The following ELOVL5 variants were observed in gnomAD, a reference collection of about 807,000 sequenced individuals.
ELOVL5 encodes the protein very long chain fatty acid elongase 5.
In ELOVL5, 8 loss-of-function variants were observed where a neutral mutation model predicts 38.6. That is an observed-to-expected ratio of 0.21 (90% CI 0.12 to 0.37). The LOEUF (loss-of-function observed/expected upper bound fraction) is 0.37. Ranked by LOEUF, ELOVL5 falls within the 10% of genes least tolerant of loss-of-function variation. The pLI, the probability that ELOVL5 is intolerant of heterozygous loss-of-function variation, is 1.00. For missense variants in ELOVL5, 280 were observed against 367.8 expected (o/e 0.76, Z 1.95); for synonymous variants, 127 against 133.7 (o/e 0.95, Z 0.34).
intron 2 of ELOVL5, among the ~76,000 whole-genome samples, chr6:53,293,521 T>C (rs1219415338): frequency 6.6e-6 from 1 of 152,092 alleles, no homozygotes. Context: ...TTTCACCATA[T>C]TGGTCAGGCT....
At chr6:53,306,064 C>A (rs1220080125) in intron 1 of ELOVL5, among the ~76,000 whole-genome samples, 1 of 151,200 alleles carries the variant, frequency 6.6e-6, no homozygotes, top group East Asian at 2.0e-4. Flanking sequence ...ACCAGTCAGG[C>A]GTGGCGGCGC....
At position 53,273,346 on chromosome 6, in the gene ELOVL5, T is replaced by G; in HGVS notation, c.497-2A>C. On this transcript the variant is annotated splice_acceptor_variant, in intron 5 of 7. Transcript: ENST00000304434. LOFTEE classifies it high-confidence loss of function. ...TATTAAGTGTGGCACCAAAATAAGC[T>G]GCAGGAACAGAGGGATTTGGGAAGG... 6.2e-7 allele frequency: 1 copy of G among 1,613,002 alleles called. No homozygotes were observed.
chr6:53,347,876 GAAC>G (rs988438803), intron 1 of ELOVL5, among the ~76,000 whole-genome samples: 11 of 152,252 alleles, frequency 7.2e-5, no homozygotes, highest in Admixed American at 2.6e-4. Context: ...AGTTCAGCAA[GAAC>G]AACTCTTGCT....
chr6:53,334,837 G>A (rs1244401466), intron 1 of ELOVL5, among the ~76,000 whole-genome samples: 1 of 152,100 alleles, frequency 6.6e-6, no homozygotes, highest in African/African-American at 2.4e-5. Flanking sequence ...AAAGCAGGGT[G>A]GACTCCTCCC....
intron 1 of ELOVL5, among the ~76,000 whole-genome samples, chr6:53,303,728 T>C (rs1767362048): frequency 6.6e-6 from 1 of 152,208 alleles, no homozygotes; most frequent in Admixed American, 6.5e-5. Context: ...TGTACAAAAA[T>C]ACGTTTAGGG....
chr6:53,300,136 A>G (rs185047062), intron 1 of ELOVL5, among the ~76,000 whole-genome samples: 114 of 152,232 alleles, frequency 7.5e-4, no homozygotes, highest in African/African-American at 2.6e-3. Context: ...TATTTCCCCC[A>G]AACTCTCCCC....
At position 53,271,973 on chromosome 6, in the gene ELOVL5, A is replaced by C. The variant is rs146207074; in HGVS notation, c.622-1246T>G. Among the ~76,000 whole-genome samples the C allele has an allele frequency of 3.6e-4, 55 of 152,296 alleles. 1 individual carries two copies. In the East Asian group the frequency reaches 0.01, roughly 29 times the overall value. ...ATCAATTTCTGCATCATTTCTCCTC[A>C]AGTATAACAAGGAGGTTAATCAACA... On this transcript the variant is annotated intron_variant, in intron 6 of 7. Coordinates refer to ENST00000304434, the MANE Select transcript of ELOVL5 (RefSeq NM_021814.5).
chr6:53,346,498 T>C (rs764008984), intron 1 of ELOVL5, among the ~76,000 whole-genome samples: 1 of 152,142 alleles, frequency 6.6e-6, no homozygotes, highest in South Asian at 2.1e-4. Flanking sequence ...TATTAATAAG[T>C]ACCTGACACA....
At chr6:53,320,393 G>A (rs1768251447) in intron 1 of ELOVL5, among the ~76,000 whole-genome samples, 1 of 151,926 alleles carries the variant, frequency 6.6e-6, no homozygotes, top group Admixed American at 6.5e-5. Flanking sequence ...CTGGAGTGCA[G>A]TGGCGCGATC....
At chr6:53,318,194 T>C (rs1768137164) in intron 1 of ELOVL5, among the ~76,000 whole-genome samples, 1 of 152,212 alleles carries the variant, frequency 6.6e-6, no homozygotes, top group Non-Finnish European at 1.5e-5. Context: ...TGATGTTTCC[T>C]ATAGAAAATA....
intron 1 of ELOVL5, among the ~76,000 whole-genome samples, chr6:53,306,069 C>T (rs537422329): frequency 6.6e-5 from 10 of 151,284 alleles, no homozygotes; most frequent in South Asian, 2.1e-4. Context: ...TCAGGCGTGG[C>T]GGCGCGCGCC....
chr6:53,328,533 T>TAA (rs1768648706), intron 1 of ELOVL5, among the ~76,000 whole-genome samples: 1 of 152,140 alleles, frequency 6.6e-6, no homozygotes, highest in South Asian at 2.1e-4. Context: ...CACATAGAAT[T>TAA]AAAGGTTAAA....
In ELOVL5 at chr6:53,267,683, T is replaced by C. The variant is rs1765786964; in HGVS notation, c.*1444A>G. 6.5e-6 allele frequency: 1 copy of C among 152,672 alleles called. No homozygotes were observed. Among genetic ancestry groups the C allele is most frequent in the Non-Finnish European group, 1.5e-5 (1 of 68,038 alleles). The allele number at this position is 152,672 out of a possible 1,614,324, so 9.5% of individuals were successfully genotyped here. The stretch of plus-strand genomic sequence containing the variant: ...ACCAATAGGCTCCCTATAGTACGAA[T>C]GTGCAAAATTAAAGCATGGTAAACT... On this transcript the variant is annotated 3_prime_UTR_variant, in exon 8 of 8. Transcript: ENST00000304434.
chr6:53,325,428 T>C lies in ELOVL5; in HGVS notation c.-9+23389A>G, dbSNP rs573237572. Reference sequence around the variant, plus strand: ...CATTTATGGAACACCATGAAGGTGATGTGATACCGCACCCTGTAGATATTT... The same window carrying C: ...CATTTATGGAACACCATGAAGGTGACGTGATACCGCACCCTGTAGATATTT... On this transcript the variant is annotated intron_variant, in intron 1 of 7. Coordinates refer to ENST00000304434, the MANE Select transcript of ELOVL5 (RefSeq NM_021814.5). Among the ~76,000 whole-genome samples, 4 of 152,352 alleles carry C rather than the reference T, an allele frequency of 2.6e-5. No homozygotes were observed. In the South Asian group the frequency reaches 8.3e-4, roughly 32 times the overall value.
chr6:53,283,105 T>C (rs187953926), intron 3 of ELOVL5, among the ~76,000 whole-genome samples: 20 of 152,278 alleles, frequency 1.3e-4, no homozygotes, highest in Non-Finnish European at 2.1e-4. Context: ...TGACTTCTGG[T>C]TCTAGCAACG....
Position 53,286,047 on chromosome 6 carries a change from T to C in ELOVL5, c.246+5729A>G, listed in dbSNP as rs546930549. ...ATGACTTACTTTATTGCAATACTCA[T>C]TTTATTGCAGTGATCTGCAACTAAT... On this transcript the variant is annotated intron_variant, in intron 3 of 7. Coordinates refer to ENST00000304434, the MANE Select transcript of ELOVL5 (RefSeq NM_021814.5). 2.6e-5 allele frequency among the ~76,000 whole-genome samples: 4 copies of C among 152,342 alleles called. No individual in the cohort carries two copies. In the East Asian group the frequency reaches 7.7e-4, roughly 29 times the overall value.
At chr6:53,305,249 G>A (rs1317432776) in intron 1 of ELOVL5, among the ~76,000 whole-genome samples, 5 of 146,692 alleles carry the variant, frequency 3.4e-5, no homozygotes, top group African/African-American at 1.3e-4. Flanking sequence ...CTGGGCAGAG[G>A]GGCTCCTCAC....
rs113249957 is a variant in ELOVL5, at chr6:53,275,328, T to C, written c.325-67A>G. 60 of 1,517,670 alleles carry C rather than the reference T, an allele frequency of 4.0e-5. 1 individual carries two copies. In the Middle Eastern group the frequency reaches 7.7e-4, roughly 19 times the overall value. 94.0% of individuals were successfully genotyped at this position (1,517,670 alleles called of 1,614,324 possible). On this transcript the variant is annotated intron_variant, in intron 4 of 7. Transcript: ENST00000304434. ...CTTCTCTGGAATATCACCTCTGACA[T>C]GTTTCACTAATATCCAAAAATCTGA...
chr6:53,308,974 A>C (rs927771182), intron 1 of ELOVL5, among the ~76,000 whole-genome samples: 17 of 152,172 alleles, frequency 1.1e-4, no homozygotes, highest in African/African-American at 3.9e-4. Flanking sequence ...ATCAGTTCTC[A>C]TATTTTTCAA....
Sources: gnomAD v4.1 joint callset for allele counts (sites outside exome capture counted in the v4.1 genomes callset) on GRCh38, gnomAD v4.1.1 for gene constraint, MANE v1.5 for transcripts, NCBI Gene and HGNC (gene_info 2026-07-23, HGNC 2026-07-21) for gene names.